Variants in TENM2 observed in about 807,000 individuals in gnomAD.
TENM2 encodes teneurin-2.
A neutral mutation model predicts 245.2 loss-of-function variants in TENM2; 52 were observed. The observed-to-expected ratio is 0.21, with a 90% CI of 0.17 to 0.27. TENM2 has a LOEUF of 0.27. TENM2 is among the 10% of genes least tolerant of loss of function. The pLI is 1.00. For synonymous variants in TENM2, 1,363 were observed against 1,438.9 expected, an observed-to-expected ratio of 0.95 and a Z score of 1.19; for missense variants, 3,046 against 3,666.8, an observed-to-expected ratio of 0.83 and a Z score of 4.37.
the TENM2 span, among the ~76,000 whole-genome samples, chr5:167,273,128 G>A: frequency 6.6e-6 from 1 of 152,170 alleles, no homozygotes; most frequent in East Asian, 1.9e-4. Flanking sequence ...ACAGCTCATA[G>A]GATTAGTTAA....
chr5:168,218,945 A>G lies in TENM2; in HGVS notation c.5054A>G (p.Asn1685Ser), dbSNP rs1407264794. The G allele has an allele frequency of 6.2e-7, 1 of 1,613,868 alleles. No homozygotes were observed. The stretch of plus-strand genomic sequence containing the variant: ...CTTGGTCTCATGACCTATGATGGCA[A>G]CACTGGGCTCCTGGCCACCAAGAGC... The change falls in exon 23 of 29, where the codon AAC becomes AGC. Residue 1685 changes from asparagine to serine, a missense_variant. Transcript: ENST00000518659. This position sits in a 1 kb window ranked among gnomAD's most constrained non-coding sequence, Gnocchi z 5.2.
intron 2 of TENM2, among the ~76,000 whole-genome samples, chr5:167,396,179 T>C (rs996385933): frequency 6.6e-6 from 1 of 152,174 alleles, no homozygotes; most frequent in Middle Eastern, 3.2e-3. Context: ...TGTAGCATTA[T>C]TCACAGTAAC....
chr5:167,973,867 A>C (rs2151934380), intron 4 of TENM2, among the ~76,000 whole-genome samples: 1 of 152,120 alleles, frequency 6.6e-6, no homozygotes, highest in South Asian at 2.1e-4. Context: ...GGGGAGCCCA[A>C]AAGGGATGTA....
the TENM2 span, among the ~76,000 whole-genome samples, chr5:167,038,663 G>A: frequency 6.6e-6 from 1 of 152,144 alleles, no homozygotes; most frequent in African/African-American, 2.4e-5. Flanking sequence ...CACAAGAACG[G>A]TCTTGTGGCC....
chr5:167,686,160 C>T (rs1297590854), intron 2 of TENM2, among the ~76,000 whole-genome samples: 1 of 152,158 alleles, frequency 6.6e-6, no homozygotes, highest in Non-Finnish European at 1.5e-5. Context: ...ATACTTGTCC[C>T]GTGGCAAAGA....
chr5:168,124,983 C>A, exon 11 of TENM2: 1 of 1,611,350 alleles, frequency 6.2e-7, no homozygotes, highest in Non-Finnish European at 8.5e-7. Context: ...GTGGGCATGG[C>A]ACGTACCTGC....
intron 5 of TENM2, among the ~76,000 whole-genome samples, chr5:168,004,110 T>C (rs1784619000): frequency 6.6e-6 from 1 of 152,184 alleles, no homozygotes; most frequent in Admixed American, 6.5e-5. Context: ...GTCGTTGGAA[T>C]GATCCTTGAA....
chr5:167,520,049 A>G (rs563972188), intron 2 of TENM2, among the ~76,000 whole-genome samples: 13 of 152,340 alleles, frequency 8.5e-5, no homozygotes, highest in Admixed American at 5.9e-4. Flanking sequence ...CTTTGTAAGC[A>G]TAGGCTAAAT....
At chr5:167,081,310 G>T in the TENM2 span, among the ~76,000 whole-genome samples, 1 of 152,008 alleles carries the variant, frequency 6.6e-6, no homozygotes, top group African/African-American at 2.4e-5. Flanking sequence ...ATTGCTTCCT[G>T]GGTATTGCTG....
At chr5:166,991,123 G>A in the TENM2 span, among the ~76,000 whole-genome samples, 2 of 151,050 alleles carry the variant, frequency 1.3e-5, no homozygotes, top group East Asian at 1.9e-4. Context: ...GAACAAAAAT[G>A]TTTCAATTAA....
At chr5:168,149,094 G>A (rs557051768) in intron 12 of TENM2, among the ~76,000 whole-genome samples, 5 of 152,220 alleles carry the variant, frequency 3.3e-5, no homozygotes, top group South Asian at 4.2e-4. Context: ...GAAGCTGGCC[G>A]GATGAATGCA....
chr5:167,030,242 A>T, the TENM2 span, among the ~76,000 whole-genome samples: 10 of 152,300 alleles, frequency 6.6e-5, no homozygotes, highest in South Asian at 1.2e-3. Flanking sequence ...CGCAGACTAC[A>T]GGCCGATTTG....
intron 2 of TENM2, among the ~76,000 whole-genome samples, chr5:167,650,705 G>T (rs1754400981): frequency 6.6e-6 from 1 of 152,150 alleles, no homozygotes. Flanking sequence ...AAGATTAAAA[G>T]GCGAGTATTT....
At chr5:167,229,027 G>A in the TENM2 span, among the ~76,000 whole-genome samples, 1 of 152,124 alleles carries the variant, frequency 6.6e-6, no homozygotes, top group Admixed American at 6.5e-5. Context: ...ATTCCATAAG[G>A]GAGTTTCACC....
the TENM2 span, among the ~76,000 whole-genome samples, chr5:167,204,986 TAGAAAC>T: frequency 1.3e-5 from 2 of 152,212 alleles, no homozygotes. Flanking sequence ...CATCAAGAAA[TAGAAAC>T]AGTAATATAT....
the TENM2 span, among the ~76,000 whole-genome samples, chr5:167,071,346 T>C: frequency 7.9e-5 from 12 of 152,108 alleles, no homozygotes; most frequent in Non-Finnish European, 2.9e-5. Flanking sequence ...ATCTAATTAT[T>C]CCAAGGTAGG....
At chr5:167,644,584 G>T (rs1779809852) in intron 2 of TENM2, among the ~76,000 whole-genome samples, 1 of 152,150 alleles carries the variant, frequency 6.6e-6, no homozygotes, top group Non-Finnish European at 1.5e-5. Context: ...TTACGAGGCT[G>T]GAATAAGATA....
At chr5:167,401,896 T>TA (rs1341775148) in intron 2 of TENM2, among the ~76,000 whole-genome samples, 1 of 152,108 alleles carries the variant, frequency 6.6e-6, no homozygotes, top group African/African-American at 2.4e-5. Flanking sequence ...GGAAGGTGGA[T>TA]AAAAACAGAA....
intron 2 of TENM2, among the ~76,000 whole-genome samples, chr5:167,712,119 C>CA (rs1758951333): frequency 6.6e-6 from 1 of 150,738 alleles, no homozygotes; most frequent in Non-Finnish European, 1.5e-5. Flanking sequence ...GGTTAAGCTC[C>CA]AATCAACTCG....
Sources: gnomAD v4.1 joint callset for allele counts (sites outside exome capture counted in the v4.1 genomes callset) on GRCh38, gnomAD v4.1.1 for gene constraint, Gnocchi (gnomAD v3.1) non-coding constraint, MANE v1.5 for transcripts, NCBI Gene and HGNC (gene_info 2026-07-23, HGNC 2026-07-21) for gene names.